Variants in SCFD2 observed in about 807,000 individuals in gnomAD.
SCFD2 encodes the protein sec1 family domain-containing protein 2.
SCFD2 carries 54 observed loss-of-function variants against 58.9 expected under a neutral mutation model. The ratio of observed to expected loss-of-function variants is 0.92; its 90% CI spans 0.74 to 1.15. The LOEUF (loss-of-function observed/expected upper bound fraction) is 1.15. SCFD2 is among the 50% of genes most tolerant of loss of function. The pLI, the probability that SCFD2 is intolerant of heterozygous loss-of-function variation, is 0.00. For missense variants in SCFD2, 805 were observed against 836.6 expected (o/e 0.96, Z 0.47); for synonymous variants, 321 against 335.9 (o/e 0.96, Z 0.49).
intron 5 of SCFD2, among the ~76,000 whole-genome samples, chr4:53,095,563 A>G (rs1253618153): frequency 3.9e-5 from 6 of 152,256 alleles, no homozygotes; most frequent in Admixed American, 3.9e-4. Flanking sequence ...TCTTCTTGAC[A>G]TGATAGACAC....
intron 5 of SCFD2, among the ~76,000 whole-genome samples, chr4:53,090,092 T>G (rs1451209350): frequency 6.6e-6 from 1 of 152,192 alleles, no homozygotes; most frequent in Non-Finnish European, 1.5e-5. Flanking sequence ...TGGAGAAGCT[T>G]TTGAAGGTTT....
At chr4:53,032,732 C>T (rs1340093329) in intron 5 of SCFD2, among the ~76,000 whole-genome samples, 1 of 152,172 alleles carries the variant, frequency 6.6e-6, no homozygotes, top group African/African-American at 2.4e-5. Flanking sequence ...AAGGGTATTA[C>T]ATAACGGTAA....
intron 8 of SCFD2, among the ~76,000 whole-genome samples, chr4:52,880,716 C>A (rs1199040070): frequency 6.6e-6 from 1 of 152,216 alleles, no homozygotes; most frequent in Non-Finnish European, 1.5e-5. Flanking sequence ...ACGTGCCTTG[C>A]TACGAAAGCA....
At chr4:53,344,719 C>A (rs911978813) in intron 2 of SCFD2, among the ~76,000 whole-genome samples, 2 of 152,138 alleles carry the variant, frequency 1.3e-5, no homozygotes, top group Admixed American at 6.6e-5. Context: ...GCTAGAGTAA[C>A]CAAAACAGCA....
intron 4 of SCFD2, among the ~76,000 whole-genome samples, chr4:53,193,310 A>G (rs920927513): frequency 6.6e-6 from 1 of 152,238 alleles, no homozygotes; most frequent in African/African-American, 2.4e-5. Context: ...GTGGTTAGTC[A>G]GCTTTAGGAT....
chr4:52,912,559 C>G (rs904931127), intron 6 of SCFD2, among the ~76,000 whole-genome samples: 1 of 151,590 alleles, frequency 6.6e-6, no homozygotes, highest in East Asian at 1.9e-4. Flanking sequence ...GAACTAAGTA[C>G]AGAACAACTG....
chr4:53,317,647 A>G (rs1378278984), intron 2 of SCFD2, among the ~76,000 whole-genome samples: 1 of 152,212 alleles, frequency 6.6e-6, no homozygotes, highest in East Asian at 1.9e-4. Flanking sequence ...TACAGAGAGG[A>G]CTATATGCAA....
At chr4:53,298,981 C>G (rs1732160083) in intron 3 of SCFD2, among the ~76,000 whole-genome samples, 1 of 152,026 alleles carries the variant, frequency 6.6e-6, no homozygotes, top group Admixed American at 6.6e-5. Context: ...AAGATAAAAC[C>G]ACAAAGATGG....
At chr4:53,339,637 G>A (rs1733800179) in intron 2 of SCFD2, among the ~76,000 whole-genome samples, 1 of 152,014 alleles carries the variant, frequency 6.6e-6, no homozygotes, top group South Asian at 2.1e-4. Context: ...AGGCATGGTG[G>A]TGCACACCTG....
chr4:53,038,812 C>T (rs1394124185), intron 5 of SCFD2, among the ~76,000 whole-genome samples: 8 of 151,946 alleles, frequency 5.3e-5, no homozygotes, highest in Non-Finnish European at 1.0e-4. Context: ...CCTTCGCCTC[C>T]TGAGTAGCTG....
intron 4 of SCFD2, among the ~76,000 whole-genome samples, chr4:53,209,198 T>C (rs1039131777): frequency 2.0e-5 from 3 of 152,092 alleles, no homozygotes; most frequent in African/African-American, 7.3e-5. Flanking sequence ...AAGGTCGAAG[T>C]CTATACAGAT....
chr4:53,214,341 G>A (rs1290935976), intron 4 of SCFD2, among the ~76,000 whole-genome samples: 3 of 151,982 alleles, frequency 2.0e-5, no homozygotes, highest in African/African-American at 7.3e-5. Flanking sequence ...TTTGATGATC[G>A]CCATTCTAAC....
chr4:53,085,970 T>G (rs1409001299), intron 5 of SCFD2, among the ~76,000 whole-genome samples: 1 of 152,068 alleles, frequency 6.6e-6, no homozygotes, highest in Non-Finnish European at 1.5e-5. Context: ...TCCAGGAAAT[T>G]GATTTGGGCA....
chr4:53,293,879 C>G (rs1731929687), intron 3 of SCFD2, among the ~76,000 whole-genome samples: 1 of 151,660 alleles, frequency 6.6e-6, no homozygotes, highest in South Asian at 2.1e-4. Flanking sequence ...ATCCCTCCCC[C>G]AGCCTCCCAC....
chr4:53,301,184 A>G (rs1403668829), intron 3 of SCFD2, among the ~76,000 whole-genome samples: 1 of 152,220 alleles, frequency 6.6e-6, no homozygotes, highest in Non-Finnish European at 1.5e-5. Context: ...AAAGATCAAC[A>G]AAATTGATAG....
chr4:52,973,732 C>G (rs1254420220), intron 5 of SCFD2, among the ~76,000 whole-genome samples: 1 of 152,192 alleles, frequency 6.6e-6, no homozygotes, highest in Non-Finnish European at 1.5e-5. Flanking sequence ...GAATTTTAGA[C>G]CAATATCCCT....
intron 5 of SCFD2, among the ~76,000 whole-genome samples, chr4:52,980,141 T>C (rs1218601209): frequency 6.6e-6 from 1 of 152,210 alleles, no homozygotes; most frequent in African/African-American, 2.4e-5. Context: ...GTAATGGTGT[T>C]CCATTTCTTA....
chr4:53,155,370 T>G (rs1726645282), intron 4 of SCFD2, among the ~76,000 whole-genome samples: 1 of 152,206 alleles, frequency 6.6e-6, no homozygotes. Context: ...TCTTGCTCTC[T>G]CAACCTTTCC....
chr4:52,897,360 G>C (rs961137170), intron 7 of SCFD2, among the ~76,000 whole-genome samples: 1 of 152,212 alleles, frequency 6.6e-6, no homozygotes, highest in Non-Finnish European at 1.5e-5. Flanking sequence ...AGAGCTTTTA[G>C]TGTGAAGTGT....
Sources: allele counts gnomAD v4.1 joint callset (sites outside exome capture counted in the v4.1 genomes callset), GRCh38; gene constraint gnomAD v4.1.1; transcripts MANE v1.5; gene names NCBI Gene and HGNC (gene_info 2026-07-23, HGNC 2026-07-21).